The following STK32B variants were observed in gnomAD, a reference collection of about 807,000 sequenced individuals.
The protein encoded by STK32B is serine/threonine-protein kinase 32B.
In STK32B, 43 loss-of-function variants were observed where a neutral mutation model predicts 52.6. The observed-to-expected ratio is 0.82, with a 90% confidence interval of 0.64 to 1.05. STK32B has a LOEUF of 1.05. STK32B is among the 50% of genes least tolerant of loss of function. The pLI, the probability that STK32B is intolerant of heterozygous loss-of-function variation, is 0.00. For synonymous variants in STK32B, 238 were observed against 204.3 expected, an observed-to-expected ratio of 1.17 and a Z score of -1.41; for missense variants, 621 against 534.6, an observed-to-expected ratio of 1.16 and a Z score of -1.59.
Position 5,404,863 on chromosome 4 carries a change from ATTTTT to A in STK32B, c.472+6636_472+6640del, listed in dbSNP as rs58235629. Among the ~76,000 whole-genome samples the A allele has an allele frequency of 1.4e-3, 155 of 113,170 alleles. 2 individuals carry two copies. The highest frequency in any genetic ancestry group is 4.2e-3 in the African/African-American group (117 of 27,934). The allele number at this position is 113,170 out of a possible 152,430, so 74.2% of individuals were successfully genotyped here. A position where few individuals can be genotyped will look rare whatever the true frequency, so the allele number is the denominator to read the frequency against. Reference sequence around the variant, plus strand: ...AACACCCCTGTGTTCTCTGTATGCGATTTTTTTTTTTTTTTTTTTTTGAGATGGAG... The same window carrying A: ...AACACCCCTGTGTTCTCTGTATGCGATTTTTTTTTTTTTTTTGAGATGGAG... On this transcript the variant is annotated intron_variant, in intron 5 of 11. Coordinates refer to ENST00000282908, the MANE Select transcript of STK32B (RefSeq NM_018401.3).
chr4:5,465,787 T>A (rs764253723), intron 9 of STK32B, among the ~76,000 whole-genome samples: 2 of 152,088 alleles, frequency 1.3e-5, no homozygotes, highest in Non-Finnish European at 2.9e-5. Flanking sequence ...GTGCCTCGCC[T>A]CTCTCCTTCT....
intron 3 of STK32B, among the ~76,000 whole-genome samples, chr4:5,299,591 T>C (rs1003897852): frequency 3.3e-5 from 5 of 152,212 alleles, no homozygotes; most frequent in African/African-American, 9.6e-5. Flanking sequence ...TGTGGCTTTA[T>C]TTCTGATTTC....
chr4:5,451,656 T>A (rs1347460587), intron 7 of STK32B, among the ~76,000 whole-genome samples: 1 of 152,194 alleles, frequency 6.6e-6, no homozygotes, highest in Non-Finnish European at 1.5e-5. Flanking sequence ...GGCCAGATGA[T>A]TTTTTGTGGT....
intron 3 of STK32B, among the ~76,000 whole-genome samples, chr4:5,193,671 C>T (rs1005896822): frequency 1.3e-5 from 2 of 152,226 alleles, no homozygotes; most frequent in African/African-American, 2.4e-5. Flanking sequence ...GGCTTCTTCA[C>T]AAGTGAGATT....
At chr4:5,242,501 C>T (rs928505966) in intron 3 of STK32B, among the ~76,000 whole-genome samples, 4 of 152,092 alleles carry the variant, frequency 2.6e-5, no homozygotes, top group African/African-American at 7.2e-5. Context: ...GAGTAGGTTG[C>T]AAAAATTTTC....
rs540635863 is a variant in STK32B, at chr4:5,444,370, GC to G, written c.563-2301del. 5.7e-4 allele frequency among the ~76,000 whole-genome samples: 87 copies of G among 152,360 alleles called. 1 individual carries two copies. The highest frequency in any genetic ancestry group is 1.1e-3 in the Non-Finnish European group (73 of 68,040). On this transcript the variant is annotated intron_variant, in intron 6 of 11. Transcript: ENST00000282908. Reference sequence around the variant, plus strand: ...GTGGGAGTGACCCGATTTTCCAGGTGCCGTCCGTCACCCCTTTCTTTGACTC... The same window carrying G: ...GTGGGAGTGACCCGATTTTCCAGGTGCGTCCGTCACCCCTTTCTTTGACTC...
chr4:5,175,678 A>T (rs1170343731), intron 3 of STK32B, among the ~76,000 whole-genome samples: 3 of 152,066 alleles, frequency 2.0e-5, no homozygotes, highest in Admixed American at 6.5e-5. Context: ...GTCTCAGAGG[A>T]GTACCCGGCC....
chr4:5,460,074 A>T lies in STK32B; in HGVS notation c.784-29A>T. ...GCTAACCTTGAGGGATGCCCAATTC[A>T]TGGAAACTCATTTGCCCTCTAACTG... On this transcript the variant is annotated intron_variant, in intron 8 of 11. Coordinates refer to ENST00000282908, the MANE Select transcript of STK32B (RefSeq NM_018401.3). This position sits in a 1 kb window ranked among gnomAD's most constrained non-coding sequence, Gnocchi z 4.8. 1.2e-6 allele frequency: 2 copies of T among 1,614,002 alleles called. No homozygotes were observed. The highest frequency in any genetic ancestry group is 1.7e-6 in the Non-Finnish European group (2 of 1,179,968).
At chr4:5,379,894 T>A (rs12641752) in intron 4 of STK32B, among the ~76,000 whole-genome samples, 37,158 of 152,112 alleles carry the variant, frequency 0.24, 5,287 homozygotes, top group African/African-American at 0.41. Context: ...CCTGCTGCAC[T>A]TGATAAAACT....
intron 6 of STK32B, among the ~76,000 whole-genome samples, chr4:5,441,294 G>A (rs906566914): frequency 6.6e-6 from 1 of 151,760 alleles, no homozygotes; most frequent in Non-Finnish European, 1.5e-5. Flanking sequence ...CCTGTTATTG[G>A]TCTATTCAGA....
At chr4:5,228,383 C>G (rs1724016992) in intron 3 of STK32B, among the ~76,000 whole-genome samples, 1 of 152,198 alleles carries the variant, frequency 6.6e-6, no homozygotes, top group Non-Finnish European at 1.5e-5. Flanking sequence ...CTTCTGCTGA[C>G]TTTTCACGCA....
chr4:5,410,665 T>A (rs1321343902), intron 5 of STK32B, among the ~76,000 whole-genome samples: 2 of 152,074 alleles, frequency 1.3e-5, no homozygotes, highest in African/African-American at 4.8e-5. Context: ...CCACGTGGGG[T>A]TATTCCATCA....
chr4:5,054,893 A>G (rs1741938548), intron 1 of STK32B, among the ~76,000 whole-genome samples: 2 of 152,222 alleles, frequency 1.3e-5, no homozygotes, highest in African/African-American at 4.8e-5. Flanking sequence ...GCAAGTGGTC[A>G]TAGCTGTTCA....
chr4:5,124,325 G>A (rs186547008), intron 1 of STK32B, among the ~76,000 whole-genome samples: 2 of 152,170 alleles, frequency 1.3e-5, no homozygotes, highest in East Asian at 1.9e-4. Flanking sequence ...TAAAACCATC[G>A]GCATTTTCTT....
intron 4 of STK32B, among the ~76,000 whole-genome samples, chr4:5,343,267 A>G (rs1468678842): frequency 1.3e-5 from 2 of 152,038 alleles, no homozygotes; most frequent in Non-Finnish European, 2.9e-5. Flanking sequence ...TGTCCCTACA[A>G]AGGACATGAC....
rs751710621 is a variant in STK32B, at chr4:5,168,301, A to G, written c.111A>G (p.Val37=). 2 of 1,613,550 alleles carry G rather than the reference A, an allele frequency of 1.2e-6. No homozygotes were observed. The highest frequency in any genetic ancestry group is 1.1e-5 in the South Asian group (1 of 90,986). Residue 37 remains valine, a splice_region_variant and synonymous_variant, in exon 3 of 12, where the codon GTA becomes GTG. Coordinates refer to ENST00000282908, the MANE Select transcript of STK32B (RefSeq NM_018401.3). ...RAIGKGSFGK[V]CIVQKRDTKK... is the part of the protein sequence containing the mutation. ...TCTCTCCTTTGGCTGTCGCTCAGGT[A>G]TGCATCGTGCAGAAGCGAGACACTA... is the stretch of plus-strand genomic sequence containing the variant.
chr4:5,260,013 G>A (rs183717153), intron 3 of STK32B, among the ~76,000 whole-genome samples: 2 of 152,078 alleles, frequency 1.3e-5, no homozygotes, highest in African/African-American at 2.4e-5. Context: ...GGGGGGTCAA[G>A]TCATGCCAAC....
chr4:5,315,528 T>C (rs10028101), intron 3 of STK32B, among the ~76,000 whole-genome samples: 11,136 of 152,108 alleles, frequency 0.073, 439 homozygotes, highest in South Asian at 0.098. Flanking sequence ...TTTTACAATT[T>C]TATATGATTT....
At chr4:5,214,193 A>C (rs1723058448) in intron 3 of STK32B, 2 of 152,214 alleles carry the variant, frequency 1.3e-5, no homozygotes, top group Non-Finnish European at 2.9e-5. Context: ...GTGAGTTCTC[A>C]TGATATCTGG....
Sources: gnomAD v4.1 joint callset for allele counts (sites outside exome capture counted in the v4.1 genomes callset) on GRCh38, gnomAD v4.1.1 for gene constraint, Gnocchi (gnomAD v3.1) non-coding constraint, MANE v1.5 for transcripts, NCBI Gene and HGNC (gene_info 2026-07-23, HGNC 2026-07-21) for gene names.